Variants in PARD3 observed in about 807,000 individuals in gnomAD.
PARD3 encodes partitioning defective 3 homolog.
A neutral mutation model predicts 155.4 loss-of-function variants in PARD3; 75 were observed. That is an observed-to-expected ratio of 0.48 (90% CI 0.40 to 0.58). The LOEUF (loss-of-function observed/expected upper bound fraction) is 0.58, where lower values mean the gene tolerates loss of function less well. PARD3 is among the 20% of genes least tolerant of loss of function. PARD3 has a pLI of 0.00. For synonymous variants in PARD3, 576 were observed against 610.5 expected (o/e 0.94, Z 0.83); for missense variants, 1,642 against 1,721.7 (o/e 0.95, Z 0.82).
At chr10:34,263,578 A>G (rs1005393923) in intron 22 of PARD3, among the ~76,000 whole-genome samples, 1 of 152,164 alleles carries the variant, frequency 6.6e-6, no homozygotes, top group Non-Finnish European at 1.5e-5. Context: ...AGGATTGCTT[A>G]AGCCCAGGAG....
At chr10:34,164,189 C>T (rs1949415485) in intron 22 of PARD3, among the ~76,000 whole-genome samples, 1 of 151,910 alleles carries the variant, frequency 6.6e-6, no homozygotes, top group Non-Finnish European at 1.5e-5. Context: ...AAGAATTGGC[C>T]ATAAAAAAAA....
intron 3 of PARD3, among the ~76,000 whole-genome samples, chr10:34,493,238 T>C (rs2080037253): frequency 6.6e-6 from 1 of 152,178 alleles, no homozygotes; most frequent in Admixed American, 6.5e-5. Flanking sequence ...AAGTTGATAA[T>C]GCAAAGCAAA....
In PARD3 at chr10:34,111,239, G is replaced by C. The variant is rs1429728150; in HGVS notation, c.3992C>G (p.Pro1331Arg). 1 of 1,611,754 alleles carries C rather than the reference G, an allele frequency of 6.2e-7. No homozygotes were observed. The highest frequency in any genetic ancestry group is 2.2e-5 in the East Asian group (1 of 44,788). The change falls in exon 25 of 25, where the codon CCC becomes CGC. Residue 1331 changes from proline to arginine, a missense_variant. Transcript: ENST00000374788. Reference sequence around the variant, plus strand: ...CAGCCTCGCAACCTGAGAAGGGGAGGGGGGCACATCTTGCCGGAAGGGCCC... The same window carrying C: ...CAGCCTCGCAACCTGAGAAGGGGAGCGGGGCACATCTTGCCGGAAGGGCCC... ...PKGPFRQDVP[P>R]SPSQVARLNR... is the part of the protein sequence containing the mutation.
At chr10:34,656,684 G>A (rs569957280) in intron 2 of PARD3, among the ~76,000 whole-genome samples, 1 of 152,232 alleles carries the variant, frequency 6.6e-6, no homozygotes, top group South Asian at 2.1e-4. Flanking sequence ...ACCTACTTGT[G>A]GCTGCTGAAC....
chr10:34,421,686 A>G (rs1249104299), intron 5 of PARD3, among the ~76,000 whole-genome samples: 2 of 152,204 alleles, frequency 1.3e-5, no homozygotes, highest in African/African-American at 2.4e-5. Context: ...TTGAATGCCT[A>G]TGATATGCTA....
intron 21 of PARD3, among the ~76,000 whole-genome samples, chr10:34,273,326 C>T (rs955438357): frequency 2.0e-5 from 3 of 152,168 alleles, no homozygotes; most frequent in Non-Finnish European, 4.4e-5. Flanking sequence ...GAACAAACTA[C>T]TGATACATAC....
chr10:34,265,047 G>A (rs967550611), intron 22 of PARD3, among the ~76,000 whole-genome samples: 10 of 152,092 alleles, frequency 6.6e-5, no homozygotes, highest in African/African-American at 1.2e-4. Flanking sequence ...CACTGTGCCC[G>A]GCCTACGCCA....
rs548596676 is a variant in PARD3 at position 34,441,124 on chromosome 10, C to A, written c.714+9193G>T. Among the ~76,000 whole-genome samples the A allele has an allele frequency of 4.7e-4, 72 of 152,102 alleles. No homozygotes were observed. The South Asian group carries it at 0.014, about 30-fold the overall frequency. ...TGACGATGGGGGCATTAGAAATACA[C>A]CAGGGATGAAAATAAACCACCCCAG... On this transcript the variant is annotated intron_variant, in intron 5 of 24. Transcript: ENST00000374788.
chr10:34,689,942 T>C (rs1410871977), intron 2 of PARD3, among the ~76,000 whole-genome samples: 1 of 151,960 alleles, frequency 6.6e-6, no homozygotes, highest in Non-Finnish European at 1.5e-5. Flanking sequence ...ATGTTATTTA[T>C]TTATTTATTT....
intron 2 of PARD3, among the ~76,000 whole-genome samples, chr10:34,691,672 C>T (rs2094064478): frequency 6.6e-6 from 1 of 152,218 alleles, no homozygotes; most frequent in Admixed American, 6.5e-5. Context: ...GGAGGCATCA[C>T]ATTACCCAAC....
At chr10:34,566,012 G>A (rs1590042324) in intron 2 of PARD3, among the ~76,000 whole-genome samples, 3 of 152,110 alleles carry the variant, frequency 2.0e-5, no homozygotes, top group Non-Finnish European at 4.4e-5. Context: ...ACATTCCATC[G>A]ATCCTGGAGC....
intron 2 of PARD3, among the ~76,000 whole-genome samples, chr10:34,562,300 G>A (rs1422085814): frequency 2.0e-5 from 3 of 151,916 alleles, no homozygotes. Context: ...AGCTGGGCGT[G>A]GTGGCATGTG....
chr10:34,732,641 T>A (rs1160679972), intron 1 of PARD3, among the ~76,000 whole-genome samples: 2 of 152,120 alleles, frequency 1.3e-5, no homozygotes, highest in African/African-American at 2.4e-5. Context: ...GGGGCTACAG[T>A]GAGCTATGAT....
chr10:34,534,015 C>T (rs181563799), intron 2 of PARD3, among the ~76,000 whole-genome samples: 82 of 152,232 alleles, frequency 5.4e-4, no homozygotes, highest in Non-Finnish European at 5.9e-5. Context: ...AAAGGCTGCA[C>T]TTCAATTTCC....
chr10:34,266,002 GT>G (rs2133835563), intron 22 of PARD3, among the ~76,000 whole-genome samples: 1 of 152,260 alleles, frequency 6.6e-6, no homozygotes, highest in African/African-American at 2.4e-5. Context: ...TTGTGCAAGA[GT>G]TTAGATTTAA....
chr10:34,229,143 C>T lies in PARD3; in HGVS notation c.3419+40514G>A, dbSNP rs542772275. 3.3e-5 allele frequency among the ~76,000 whole-genome samples: 5 copies of T among 152,214 alleles called. 1 individual carries two copies. The South Asian group carries it at 1.0e-3, about 32-fold the overall frequency. ...GCCTAGCCAATGGGATCACCAAGCC[C>T]AGCTTCTCAGCATCAGCTATATGAC... On this transcript the variant is annotated intron_variant, in intron 22 of 24. Transcript: ENST00000374788.
intron 2 of PARD3, among the ~76,000 whole-genome samples, chr10:34,556,581 A>ACCCC (rs1196791337): frequency 3.4e-4 from 52 of 151,874 alleles, no homozygotes; most frequent in Non-Finnish European, 5.2e-4. Context: ...ACGGGGTTTC[A>ACCCC]CCGTGTTAGC....
At chr10:34,566,512 A>T (rs1376616120) in intron 2 of PARD3, among the ~76,000 whole-genome samples, 1 of 152,230 alleles carries the variant, frequency 6.6e-6, no homozygotes, top group Non-Finnish European at 1.5e-5. Flanking sequence ...TATCCCGGAA[A>T]TGCAGCCTGA....
chr10:34,714,195 C>T (rs1342891751), intron 1 of PARD3, among the ~76,000 whole-genome samples: 1 of 152,162 alleles, frequency 6.6e-6, no homozygotes, highest in Non-Finnish European at 1.5e-5. Context: ...TGTCACATTA[C>T]TTAATCCAAA....
Sources: gnomAD v4.1 joint callset for allele counts (sites outside exome capture counted in the v4.1 genomes callset) on GRCh38, gnomAD v4.1.1 for gene constraint, MANE v1.5 for transcripts, NCBI Gene and HGNC (gene_info 2026-07-23, HGNC 2026-07-21) for gene names.